Variants in DACT2 observed in about 807,000 individuals in gnomAD.
The protein encoded by DACT2 is dapper homolog 2.
Under a neutral mutation model 22.2 loss-of-function variants are expected in DACT2, and 20 were observed. That is an observed-to-expected ratio of 0.90 (90% CI 0.63 to 1.31). DACT2 has a LOEUF of 1.31. DACT2 is among the 50% of genes most tolerant of loss of function. The pLI, the probability that DACT2 is intolerant of heterozygous loss-of-function variation, is 0.00. For missense variants in DACT2, 1,048 were observed against 1,061.4 expected (o/e 0.99, Z 0.18); for synonymous variants, 463 against 479.8 (o/e 0.96, Z 0.46).
rs1298638645 is a variant in DACT2, at chr6:168,313,200, T to C, written c.247-1916A>G. Among the ~76,000 whole-genome samples, 4 of 152,122 alleles carry C rather than the reference T, an allele frequency of 2.6e-5. No homozygotes were observed. In the East Asian group the frequency reaches 7.7e-4, roughly 29 times the overall value. Reference sequence around the variant, plus strand: ...TAGCTGGTACAGGTGCCTGCCACCATGCCCAGCTAAGTTTTTGTATTTTTA... The same window carrying C: ...TAGCTGGTACAGGTGCCTGCCACCACGCCCAGCTAAGTTTTTGTATTTTTA... On this transcript the variant is annotated intron_variant, in intron 1 of 3. Coordinates refer to ENST00000366795, the MANE Select transcript of DACT2 (RefSeq NM_214462.5).
At chr6:168,302,012 C>G (rs1454008820), downstream of DACT2, 1 of 153,128 alleles carries the variant, frequency 6.5e-6, no homozygotes, top group Non-Finnish European at 1.5e-5. Context: ...TCTCCCCACT[C>G]CCTCCGCCTG....
intron 1 of DACT2, 103 bp from the exon 2 acceptor site, chr6:168,311,387 C>A: frequency 7.3e-7 from 1 of 1,365,286 alleles, no homozygotes; most frequent in South Asian, 1.6e-5. Flanking sequence ...TTTAAACTCC[C>A]AAAGTCCACG....
downstream of DACT2, among the ~76,000 whole-genome samples, chr6:168,306,407 G>GA (rs1204895059): frequency 6.9e-6 from 1 of 144,212 alleles, no homozygotes; most frequent in Admixed American, 6.8e-5. Context: ...CAAAAAAAAA[G>GA]TTTTTTTTTT....
intron 1 of DACT2, among the ~76,000 whole-genome samples, chr6:168,318,376 T>C (rs1583305098): frequency 6.6e-6 from 1 of 152,266 alleles, no homozygotes; most frequent in African/African-American, 2.4e-5. Context: ...GACTTCCTGA[T>C]TCTTTAATCC....
chr6:168,305,809 T>C (rs950763658), downstream of DACT2, among the ~76,000 whole-genome samples: 1 of 152,212 alleles, frequency 6.6e-6, no homozygotes, highest in Admixed American at 6.5e-5. Context: ...TGAGTGGGTT[T>C]GAATCATCCT....
At chr6:168,304,784 C>T (rs769951086), downstream of DACT2, among the ~76,000 whole-genome samples, 7 of 152,188 alleles carry the variant, frequency 4.6e-5, no homozygotes, top group South Asian at 4.1e-4. Context: ...GGAGGCCAGG[C>T]GGGATGGGAA....
At chr6:168,315,391 G>C (rs775498567) in intron 1 of DACT2, among the ~76,000 whole-genome samples, 1 of 152,098 alleles carries the variant, frequency 6.6e-6, no homozygotes, top group Non-Finnish European at 1.5e-5. Flanking sequence ...TCTTGGGAAC[G>C]ACAAGTTTCC....
intron 1 of DACT2, among the ~76,000 whole-genome samples, chr6:168,314,007 CGA>C (rs1779487320): frequency 2.1e-5 from 2 of 93,502 alleles, no homozygotes; most frequent in Admixed American, 2.2e-4. Flanking sequence ...CTTGTAACCC[CGA>C]CCGCGCTTGT....
Position 168,316,212 on chromosome 6 carries a change from C to T in DACT2, c.246+3176G>A, listed in dbSNP as rs73258889. ...GCCAAGTTAATCATCACCTGCACTC[C>T]CACCCCCTTGACAGAACAGTTGAAG... On this transcript the variant is annotated intron_variant, in intron 1 of 3. Transcript: ENST00000366795. Among the ~76,000 whole-genome samples, 305 of 152,390 alleles carry T rather than the reference C, an allele frequency of 2.0e-3. 1 individual carries two copies. In the South Asian group the frequency reaches 0.026, roughly 13 times the overall value.
At chr6:168,294,534 A>C (rs1490027812) in intron 4 of DACT2, 1 of 775,664 alleles carries the variant, frequency 1.3e-6, no homozygotes, top group African/African-American at 2.1e-5. Context: ...TAGAACTTAA[A>C]GTATAATAAA....
chr6:168,319,438 C>G lies in DACT2; in HGVS notation c.196G>C (p.Gly66Arg). The G allele has an allele frequency of 2.5e-6, 3 of 1,204,696 alleles. No individual in the cohort carries two copies. The highest frequency in any genetic ancestry group is 2.1e-6 in the Non-Finnish European group (2 of 971,362). 74.6% of individuals were successfully genotyped at this position (1,204,696 alleles called of 1,614,324 possible). ...GCCGCCTCCAGCTGCTGCTCGGGGC[C>G]GTGGAGGCCGTGGGGGCCGCAGGGC... ...AAPCGPHGLH[G>R]PEQQLEAALA... The change falls in exon 1 of 4, where the codon GGC becomes CGC. Residue 66 changes from glycine (G) to arginine (R), a missense_variant. Transcript: ENST00000366795.
chr6:168,311,458 C>T (rs899551599), intron 1 of DACT2, among the ~76,000 whole-genome samples, 174 bp from the exon 2 acceptor site: 1 of 152,074 alleles, frequency 6.6e-6, no homozygotes, highest in African/African-American at 2.4e-5. Context: ...TTTCCTTGTT[C>T]CACTGTCACA....
At chr6:168,306,741 C>T (rs967476375), downstream of DACT2, among the ~76,000 whole-genome samples, 1 of 152,138 alleles carries the variant, frequency 6.6e-6, no homozygotes, top group African/African-American at 2.4e-5. Context: ...TGAGCCACCA[C>T]GCCCGGCCTA....
Position 168,308,533 on chromosome 6 carries a change from G to T in DACT2, c.1224C>A (p.Tyr408Ter). 1 of 1,550,098 alleles carries T rather than the reference G, an allele frequency of 6.5e-7. No homozygotes were observed. The highest frequency in any genetic ancestry group is 8.7e-7 in the Non-Finnish European group (1 of 1,146,908). ...AGRGGPQQQG[Y>*]MPLEGPQQSG... ...ACTGCTGGGGACCCTCAAGGGGCAT[G>T]TATCCCTGCTGCTGGGGCCCGCCCC... The change falls in exon 4 of 4, where the codon TAC becomes TAA. Residue 408 changes from tyrosine (Y) to a stop codon, truncating the protein, a stop_gained. Coordinates refer to ENST00000366795, the MANE Select transcript of DACT2 (RefSeq NM_214462.5). LOFTEE classifies it low-confidence loss of function (END_TRUNC).
At chr6:168,310,593 C>T (rs1375335529) in intron 2 of DACT2, 147 bp from the exon 3 acceptor site, 3 of 1,151,042 alleles carry the variant, frequency 2.6e-6, no homozygotes, top group Admixed American at 6.0e-5. Flanking sequence ...GTCCACACGG[C>T]CGGCCTGGGA....
chr6:168,311,114 C>T (rs1274455788), intron 2 of DACT2, 38 bp downstream of exon 2: 20 of 1,493,836 alleles, frequency 1.3e-5, no homozygotes, highest in Non-Finnish European at 1.7e-5. Flanking sequence ...GTGCTGCGTG[C>T]CTGCCCCTGT....
chr6:168,306,397 C>CAAA (rs10689901), downstream of DACT2, among the ~76,000 whole-genome samples: 9 of 149,796 alleles, frequency 6.0e-5, no homozygotes, highest in African/African-American at 2.0e-4. Flanking sequence ...AAGTAAACAC[C>CAAA]AAAAAAAAAG....
intron 2 of DACT2, 118 bp downstream of exon 2, chr6:168,311,034 C>G: frequency 7.5e-7 from 1 of 1,333,402 alleles, no homozygotes; most frequent in South Asian, 1.8e-5. Flanking sequence ...TCTCCCTGCA[C>G]GGACACTAGG....
At chr6:168,294,340 C>A (rs752980331) in intron 4 of DACT2, 65 of 668,800 alleles carry the variant, frequency 9.7e-5, no homozygotes, top group Non-Finnish European at 1.5e-4. Context: ...CGCTTCTCCC[C>A]TCCTAGTCCT....
Sources: allele counts gnomAD v4.1 joint callset (sites outside exome capture counted in the v4.1 genomes callset), GRCh38; gene constraint gnomAD v4.1.1; transcripts MANE v1.5; gene names NCBI Gene and HGNC (gene_info 2026-07-23, HGNC 2026-07-21).